MLLT10: variants seen among roughly 807,000 people sequenced by gnomAD.
The protein encoded by MLLT10 is MLLT10 histone lysine methyltransferase DOT1L cofactor.
MLLT10 carries 30 observed loss-of-function variants against 129.1 expected under a neutral mutation model. The observed-to-expected ratio is 0.23, with a 90% confidence interval of 0.17 to 0.32. The LOEUF is 0.32. Among genes scored for constraint, MLLT10 ranks in the 10% least tolerant of loss-of-function variants. MLLT10 has a pLI of 1.00. For missense variants in MLLT10, 1,119 were observed against 1,268.3 expected (o/e 0.88, Z 1.79); for synonymous variants, 490 against 446.4 (o/e 1.10, Z -1.23).
intron 12 of MLLT10, 116 bp from the exon 13 acceptor site, chr10:21,682,109 T>G: frequency 4.2e-6 from 3 of 709,254 alleles, no homozygotes; most frequent in Non-Finnish European, 6.6e-6. Flanking sequence ...ATTCAAACAA[T>G]GATATATGAT....
intron 3 of MLLT10, among the ~76,000 whole-genome samples, chr10:21,574,260 T>C (rs1564437034): frequency 6.6e-6 from 1 of 152,240 alleles, no homozygotes. Context: ...CATAAAGTCA[T>C]TAATAATAAT....
At chr10:21,650,448 G>A (rs1307309034) in intron 8 of MLLT10, among the ~76,000 whole-genome samples, 1 of 152,080 alleles carries the variant, frequency 6.6e-6, no homozygotes, top group African/African-American at 2.4e-5. Context: ...CTTAGATCAG[G>A]AATTAAAAGC....
chr10:21,592,658 G>A (rs1172714790), intron 4 of MLLT10, among the ~76,000 whole-genome samples: 2 of 151,984 alleles, frequency 1.3e-5, no homozygotes, highest in African/African-American at 2.4e-5. Flanking sequence ...GTGTTTCACC[G>A]TGTTAGCCAG....
intron 8 of MLLT10, among the ~76,000 whole-genome samples, chr10:21,648,146 TTCCTGGG>T (rs1309393866): frequency 6.6e-6 from 1 of 152,216 alleles, no homozygotes; most frequent in Non-Finnish European, 1.5e-5. Context: ...ATTGACTCTT[TTCCTGGG>T]TTTTCCCTTT....
At chr10:21,654,059 G>A (rs942451454) in intron 9 of MLLT10, among the ~76,000 whole-genome samples, 1 of 152,142 alleles carries the variant, frequency 6.6e-6, no homozygotes, top group South Asian at 2.1e-4. Flanking sequence ...AAAGAAAGGT[G>A]GGGATAAGTG....
In MLLT10 at chr10:21,742,813, G is replaced by A. The variant is rs1833839621; in HGVS notation, c.*830G>A. 4.4e-6 allele frequency: 1 copy of A among 227,760 alleles called. No homozygotes were observed. Among genetic ancestry groups the A allele is most frequent in the Non-Finnish European group, 8.7e-6 (1 of 114,628 alleles). 14.1% of individuals were successfully genotyped at this position (227,760 alleles called of 1,614,324 possible). On this transcript the variant is annotated 3_prime_UTR_variant, in exon 23 of 23. Transcript: ENST00000307729. ...CATTGTGCTGCAAGGGCTGTAGACA[G>A]CAGGGTGGGACAGTCAGTCCTCCGA... is the stretch of plus-strand genomic sequence containing the variant.
chr10:21,691,101 T>G (rs2131435146), intron 13 of MLLT10, among the ~76,000 whole-genome samples: 1 of 152,316 alleles, frequency 6.6e-6, no homozygotes. Flanking sequence ...GCTTAGTGAA[T>G]CGGACATCAG....
chr10:21,656,184 C>A (rs1054133500), intron 9 of MLLT10, among the ~76,000 whole-genome samples: 2 of 152,042 alleles, frequency 1.3e-5, no homozygotes, highest in East Asian at 3.9e-4. Context: ...TTTTGGGGAA[C>A]GGTGTCATTT....
Position 21,675,528 on chromosome 10 carries a change from A to C in MLLT10, c.1621+1609A>C, listed in dbSNP as rs181099728. On this transcript the variant is annotated intron_variant, in intron 11 of 22. Transcript: ENST00000307729. ...GTAAATTGTAGTGAGAAAGAAGTTC[A>C]TAGAAAAGGTTTAAATACATTGCAT... Among the ~76,000 whole-genome samples the C allele has an allele frequency of 1.8e-3, 277 of 152,358 alleles. 1 individual carries two copies. The highest frequency in any genetic ancestry group is 3.0e-3 in the Non-Finnish European group (202 of 68,032).
At chr10:21,593,531 A>G (rs2042708435) in intron 4 of MLLT10, among the ~76,000 whole-genome samples, 1 of 152,132 alleles carries the variant, frequency 6.6e-6, no homozygotes, top group Non-Finnish European at 1.5e-5. Context: ...GATAACTCCA[A>G]AATGGTGATC....
rs2045249026 is a variant in MLLT10, at chr10:21,616,332, T to C, written c.604-780T>C. Among the ~76,000 whole-genome samples the C allele has an allele frequency of 2.0e-5, 3 of 152,112 alleles. No homozygotes were observed. In the South Asian group the frequency reaches 6.2e-4, roughly 31 times the overall value. On this transcript the variant is annotated intron_variant, in intron 7 of 22. Transcript: ENST00000307729. ...ACATGATGTTATCCCATTTGATAGT[T>C]GGGAAAAATATCTGTTTAATAATTT...
At chr10:21,546,217 A>G (rs1264229824) in intron 3 of MLLT10, among the ~76,000 whole-genome samples, 2 of 148,670 alleles carry the variant, frequency 1.3e-5, no homozygotes, top group East Asian at 4.1e-4. Flanking sequence ...AGCTGGGATT[A>G]CAGGCATGTG....
chr10:21,687,094 A>C (rs921307246), intron 13 of MLLT10, among the ~76,000 whole-genome samples: 13 of 152,178 alleles, frequency 8.5e-5, no homozygotes, highest in Admixed American at 8.5e-4. Flanking sequence ...AATTCCCTTT[A>C]ATTATGATGC....
chr10:21,562,668 G>A (rs1483465048), intron 3 of MLLT10, among the ~76,000 whole-genome samples: 3 of 151,670 alleles, frequency 2.0e-5, no homozygotes, highest in African/African-American at 7.3e-5. Flanking sequence ...TAAAATCTTA[G>A]CAACATTAAG....
intron 10 of MLLT10, among the ~76,000 whole-genome samples, chr10:21,671,537 C>T (rs1464405232): frequency 6.6e-6 from 1 of 151,994 alleles, no homozygotes; most frequent in East Asian, 1.9e-4. Context: ...CCTGTAATCC[C>T]AGTATTATGA....
At chr10:21,661,709 T>G (rs1262434097) in intron 9 of MLLT10, 2 of 152,254 alleles carry the variant, frequency 1.3e-5, no homozygotes, top group Non-Finnish European at 2.9e-5. Context: ...TGTATCATTC[T>G]AATTTTTGTA....
chr10:21,565,743 C>A (rs1405957123), intron 3 of MLLT10, among the ~76,000 whole-genome samples: 1 of 151,514 alleles, frequency 6.6e-6, no homozygotes, highest in African/African-American at 2.4e-5. Flanking sequence ...GTAAGTGGGA[C>A]CACACGTGTG....
chr10:21,708,156 ATTTG>A (rs2055713221), intron 13 of MLLT10, among the ~76,000 whole-genome samples: 1 of 151,972 alleles, frequency 6.6e-6, no homozygotes, highest in Non-Finnish European at 1.5e-5. Flanking sequence ...CCTACTGAGT[ATTTG>A]TTTGATGAAA....
chr10:21,632,464 A>C (rs1334133815), intron 8 of MLLT10, among the ~76,000 whole-genome samples: 2 of 152,138 alleles, frequency 1.3e-5, no homozygotes, highest in African/African-American at 4.8e-5. Flanking sequence ...ACCTGTGGCA[A>C]ATGACCTAGT....
Sources: gnomAD v4.1 joint callset for allele counts (sites outside exome capture counted in the v4.1 genomes callset) on GRCh38, gnomAD v4.1.1 for gene constraint, MANE v1.5 for transcripts, NCBI Gene and HGNC (gene_info 2026-07-23, HGNC 2026-07-21) for gene names.